INPP4B: variants seen among roughly 807,000 people sequenced by gnomAD.
INPP4B encodes the protein inositol polyphosphate-4-phosphatase type II B.
INPP4B carries 55 observed loss-of-function variants against 122.5 expected under a neutral mutation model. The ratio of observed to expected loss-of-function variants is 0.45; its 90% CI spans 0.36 to 0.56. The LOEUF (loss-of-function observed/expected upper bound fraction) is 0.56. Among genes scored for constraint, INPP4B ranks in the 20% least tolerant of loss-of-function variants. INPP4B has a pLI of 0.00. For synonymous variants in INPP4B, 403 were observed against 388.7 expected, an observed-to-expected ratio of 1.04 and a Z score of -0.43; for missense variants, 1,000 against 1,097.7, an observed-to-expected ratio of 0.91 and a Z score of 1.26.
chr4:142,325,392 T>C (rs182770074), intron 7 of INPP4B, among the ~76,000 whole-genome samples: 1,716 of 152,338 alleles, frequency 0.011, 17 homozygotes, highest in Non-Finnish European at 0.018. Flanking sequence ...AAATGCATAA[T>C]GACAGGTGGT....
At chr4:142,805,180 A>G (rs1184289593) in intron 1 of INPP4B, among the ~76,000 whole-genome samples, 2 of 152,224 alleles carry the variant, frequency 1.3e-5, no homozygotes, top group Non-Finnish European at 2.9e-5. Context: ...TGTTTAACTA[A>G]ATAGAAAATT....
At chr4:142,500,565 A>G (rs1164879317) in intron 2 of INPP4B, among the ~76,000 whole-genome samples, 1 of 152,200 alleles carries the variant, frequency 6.6e-6, no homozygotes, top group Non-Finnish European at 1.5e-5. Flanking sequence ...GCTGAATAAC[A>G]TTCCATTGCA....
intron 9 of INPP4B, among the ~76,000 whole-genome samples, chr4:142,276,907 A>G (rs1579562687): frequency 6.6e-6 from 1 of 151,970 alleles, no homozygotes; most frequent in Non-Finnish European, 1.5e-5. Context: ...TAAAATATAA[A>G]CCAGCTCTAG....
intron 5 of INPP4B, among the ~76,000 whole-genome samples, chr4:142,424,321 G>C (rs890241000): frequency 5.3e-5 from 8 of 151,790 alleles, no homozygotes; most frequent in Non-Finnish European, 1.2e-4. Context: ...GCAAGAAGTA[G>C]AATTTTACTT....
intron 25 of INPP4B, among the ~76,000 whole-genome samples, chr4:142,049,198 T>A (rs994868045): frequency 6.6e-6 from 1 of 152,036 alleles, no homozygotes; most frequent in Admixed American, 6.6e-5. Context: ...TATCATCATA[T>A]AGCACAGAAA....
At chr4:142,556,335 G>GT (rs1307743713) in intron 2 of INPP4B, among the ~76,000 whole-genome samples, 2 of 152,164 alleles carry the variant, frequency 1.3e-5, no homozygotes, top group African/African-American at 4.8e-5. Flanking sequence ...GGTAACGAAG[G>GT]TAAGTCATTA....
chr4:142,562,727 TAAA>T (rs1212996323), intron 2 of INPP4B, among the ~76,000 whole-genome samples: 4 of 151,990 alleles, frequency 2.6e-5, no homozygotes, highest in African/African-American at 4.8e-5. Flanking sequence ...AGAGAGATAA[TAAA>T]ATAAAGAGAA....
chr4:142,203,515 G>T (rs1907125), intron 14 of INPP4B, among the ~76,000 whole-genome samples: 151,227 of 152,208 alleles, frequency 0.99, 75,131 homozygotes, highest in Middle Eastern at 1. Context: ...CTTTTGTTTT[G>T]AATTTTGGGG....
intron 1 of INPP4B, among the ~76,000 whole-genome samples, chr4:142,738,614 C>CAAAAA (rs67923741): frequency 0.021 from 3,192 of 150,500 alleles, 53 homozygotes; most frequent in Middle Eastern, 0.088. Flanking sequence ...ATAATAAAAA[C>CAAAAA]AAAAAAAAAG....
chr4:142,163,184 T>C (rs957559680), intron 16 of INPP4B, among the ~76,000 whole-genome samples: 1 of 151,648 alleles, frequency 6.6e-6, no homozygotes, highest in Non-Finnish European at 1.5e-5. Context: ...GGTCTGAAAA[T>C]ATTAAGTGAA....
At chr4:142,215,988 T>C (rs1290616418) in intron 12 of INPP4B, among the ~76,000 whole-genome samples, 1 of 148,290 alleles carries the variant, frequency 6.7e-6, no homozygotes, top group African/African-American at 2.5e-5. Flanking sequence ...TTACAAAGCC[T>C]TTGGCATGGG....
At position 142,130,809 on chromosome 4, in the gene INPP4B, T is replaced by C. The variant is rs541654013; in HGVS notation, c.1721-6049A>G. 5.9e-5 allele frequency among the ~76,000 whole-genome samples: 9 copies of C among 152,314 alleles called. No individual in the cohort carries two copies. In the East Asian group the frequency reaches 1.4e-3, roughly 23 times the overall value. On this transcript the variant is annotated intron_variant, in intron 18 of 25. Transcript: ENST00000262992. ...CTGCTCAACCCAAGACAAATGGCTA[T>C]GACAAGAACAAAGGCAACCTTCCCT...
intron 2 of INPP4B, among the ~76,000 whole-genome samples, chr4:142,499,223 A>G (rs1823037325): frequency 6.6e-6 from 1 of 152,184 alleles, no homozygotes; most frequent in Admixed American, 6.6e-5. Flanking sequence ...ACTGAGTTTT[A>G]ATGCCACTGG....
intron 2 of INPP4B, among the ~76,000 whole-genome samples, chr4:142,568,657 T>C (rs1732161224): frequency 6.6e-6 from 1 of 152,260 alleles, no homozygotes; most frequent in East Asian, 1.9e-4. Flanking sequence ...ATCACTGATA[T>C]ATTGAGAGCA....
chr4:142,124,547 TC>T, intron 19 of INPP4B, 40 bp downstream of exon 19: 1 of 1,547,552 alleles, frequency 6.5e-7, no homozygotes. Flanking sequence ...ATGTTAACAA[TC>T]CGGCATTGTT....
intron 2 of INPP4B, among the ~76,000 whole-genome samples, chr4:142,572,771 T>G (rs892957576): frequency 5.9e-5 from 9 of 151,980 alleles, no homozygotes; most frequent in African/African-American, 1.9e-4. Flanking sequence ...AATAATTATC[T>G]TCCATGTTTA....
intron 7 of INPP4B, among the ~76,000 whole-genome samples, chr4:142,316,030 A>G (rs1442538884): frequency 6.6e-6 from 1 of 152,112 alleles, no homozygotes; most frequent in Non-Finnish European, 1.5e-5. Context: ...TCTTGAACAC[A>G]GTTGCCAAGT....
chr4:142,842,657 A>C (rs1318826535), intron 1 of INPP4B, among the ~76,000 whole-genome samples: 1 of 133,732 alleles, frequency 7.5e-6, no homozygotes, highest in Non-Finnish European at 1.6e-5. Flanking sequence ...TATTATGTTA[A>C]TATATAACAT....
chr4:142,653,991 C>A (rs184980072), intron 2 of INPP4B, among the ~76,000 whole-genome samples: 12 of 152,200 alleles, frequency 7.9e-5, no homozygotes, highest in Non-Finnish European at 1.5e-4. Flanking sequence ...CAATGATAGA[C>A]TGGATTAAGA....
Sources: gnomAD v4.1 joint callset for allele counts (sites outside exome capture counted in the v4.1 genomes callset) on GRCh38, gnomAD v4.1.1 for gene constraint, MANE v1.5 for transcripts, NCBI Gene and HGNC (gene_info 2026-07-23, HGNC 2026-07-21) for gene names.